FGF14: variants seen among roughly 807,000 people sequenced by gnomAD.
FGF14 encodes the protein fibroblast growth factor 14, also known as fibroblast growth factor homologous factor 4.
Under a neutral mutation model 25.5 loss-of-function variants are expected in FGF14, and 5 were observed. The observed-to-expected ratio is 0.20, with a 90% CI of 0.10 to 0.41. FGF14 has a LOEUF of 0.41. Among genes scored for constraint, FGF14 ranks in the 10% least tolerant of loss-of-function variants. FGF14 has a pLI of 1.00. For missense variants in FGF14, 222 were observed against 320.1 expected (o/e 0.69, Z 2.34); for synonymous variants, 138 against 118.3 (o/e 1.17, Z -1.08).
At position 102,161,680 on chromosome 13, in the gene FGF14, A is replaced by T. The variant is rs1428534708; in HGVS notation, c.208+239791T>A. On this transcript the variant is annotated intron_variant, in intron 1 of 4. Coordinates refer to the FGF14 transcript ENST00000376131. ...GAAGAAGAAGAAGAAGAAGAAGAAG[A>T]AGAAGAAGAAGAAGAAGAAGAAGAA... Among the ~76,000 whole-genome samples, 149 of 54,114 alleles carry T rather than the reference A, an allele frequency of 2.8e-3. 3 individuals carry two copies. Among genetic ancestry groups the T allele is most frequent in the South Asian group, 6.7e-3 (7 of 1,050 alleles). The allele number at this position is 54,114 out of a possible 152,430, so 35.5% of individuals were successfully genotyped here.
At chr13:101,929,431 G>T (rs1829755935) in intron 1 of FGF14, among the ~76,000 whole-genome samples, 1 of 152,140 alleles carries the variant, frequency 6.6e-6, no homozygotes, top group South Asian at 2.1e-4. Flanking sequence ...CTGTGTCAGG[G>T]GAAAAGGATA....
chr13:101,864,627 T>A (rs1049644041), intron 3 of FGF14, among the ~76,000 whole-genome samples: 1 of 152,126 alleles, frequency 6.6e-6, no homozygotes, highest in Non-Finnish European at 1.5e-5. Context: ...TGAATTTTCC[T>A]GGTTTATTTT....
At chr13:101,750,240 A>C (rs1440321802) in intron 3 of FGF14, among the ~76,000 whole-genome samples, 1 of 152,136 alleles carries the variant, frequency 6.6e-6, no homozygotes, top group Admixed American at 6.6e-5. Context: ...AAGATACAGC[A>C]ATCTTTACAC....
chr13:102,379,216 T>G (rs936907300), intron 1 of FGF14, among the ~76,000 whole-genome samples: 1 of 152,102 alleles, frequency 6.6e-6, no homozygotes, highest in African/African-American at 2.4e-5. Flanking sequence ...GCTAGAGATA[T>G]CTAAATTAAA....
At chr13:101,741,851 T>C (rs1430742254) in intron 3 of FGF14, among the ~76,000 whole-genome samples, 2 of 151,960 alleles carry the variant, frequency 1.3e-5, no homozygotes, top group Admixed American at 6.6e-5. Context: ...AGGAGAAAAA[T>C]TGAAAGTAAA....
chr13:102,386,129 AG>A, intron 1 of FGF14, among the ~76,000 whole-genome samples: 1 of 151,250 alleles, frequency 6.6e-6, no homozygotes, highest in South Asian at 2.1e-4. Context: ...CAAAATATAC[AG>A]TAATTTTTTT....
At chr13:102,262,546 T>C (rs1056235115) in intron 1 of FGF14, among the ~76,000 whole-genome samples, 1 of 152,150 alleles carries the variant, frequency 6.6e-6, no homozygotes, top group Non-Finnish European at 1.5e-5. Context: ...GCAGGAGTAA[T>C]TATTTTGATA....
chr13:101,786,550 C>A (rs1364867317), intron 3 of FGF14, among the ~76,000 whole-genome samples: 1 of 152,090 alleles, frequency 6.6e-6, no homozygotes, highest in Non-Finnish European at 1.5e-5. Context: ...CTTGGCCATC[C>A]TCCCCTGTAT....
chr13:101,960,942 G>A (rs1245558184), intron 1 of FGF14, among the ~76,000 whole-genome samples: 4 of 152,024 alleles, frequency 2.6e-5, no homozygotes, highest in African/African-American at 4.8e-5. Context: ...TTTAATGATC[G>A]TTGATGTTTA....
intron 1 of FGF14, among the ~76,000 whole-genome samples, chr13:102,274,745 A>G (rs1397446685): frequency 6.6e-6 from 1 of 152,072 alleles, no homozygotes; most frequent in East Asian, 1.9e-4. Context: ...TGGAAGAAAT[A>G]TTGAAAACCA....
chr13:101,907,471 G>T (rs1316163523), intron 1 of FGF14, among the ~76,000 whole-genome samples: 1 of 152,120 alleles, frequency 6.6e-6, no homozygotes, highest in Non-Finnish European at 1.5e-5. Context: ...ATGAAAATTT[G>T]AATGCCAAAT....
At chr13:101,775,620 T>G (rs1204609900) in intron 3 of FGF14, among the ~76,000 whole-genome samples, 1 of 152,166 alleles carries the variant, frequency 6.6e-6, no homozygotes, top group Non-Finnish European at 1.5e-5. Flanking sequence ...GTTATTTCCC[T>G]GTCCCTGTGC....
intron 1 of FGF14, among the ~76,000 whole-genome samples, chr13:102,126,802 C>A (rs2045967914): frequency 6.6e-6 from 1 of 152,078 alleles, no homozygotes. Context: ...CAGTAATTAC[C>A]ATCATTAGCC....
intron 3 of FGF14, among the ~76,000 whole-genome samples, chr13:101,853,376 T>C (rs1234019282): frequency 1.3e-5 from 2 of 152,116 alleles, no homozygotes; most frequent in Non-Finnish European, 2.9e-5. Flanking sequence ...TCTCTCTTCA[T>C]AGTGAAAGCA....
At chr13:102,206,474 A>G (rs974112429) in intron 1 of FGF14, among the ~76,000 whole-genome samples, 5 of 152,068 alleles carry the variant, frequency 3.3e-5, no homozygotes, top group Non-Finnish European at 7.4e-5. Flanking sequence ...GGAGGTCAGG[A>G]GTTCAAGACC....
At chr13:102,315,260 G>A (rs1212099408) in intron 1 of FGF14, among the ~76,000 whole-genome samples, 1 of 152,090 alleles carries the variant, frequency 6.6e-6, no homozygotes, top group African/African-American at 2.4e-5. Context: ...TTTTTGAAAA[G>A]AAACACATAT....
At chr13:102,271,776 A>G (rs2053259766) in intron 1 of FGF14, among the ~76,000 whole-genome samples, 1 of 152,194 alleles carries the variant, frequency 6.6e-6, no homozygotes, top group South Asian at 2.1e-4. Flanking sequence ...AGTAGACAGC[A>G]TGGCACAAAA....
intron 3 of FGF14, among the ~76,000 whole-genome samples, chr13:101,757,730 A>C (rs1199762060): frequency 3.9e-5 from 6 of 152,204 alleles, no homozygotes; most frequent in Non-Finnish European, 8.8e-5. Flanking sequence ...TGAAAACCAA[A>C]TGCAAATCCA....
At chr13:101,933,378 C>T (rs1020761860) in intron 1 of FGF14, among the ~76,000 whole-genome samples, 2 of 152,174 alleles carry the variant, frequency 1.3e-5, no homozygotes, top group East Asian at 1.9e-4. Context: ...ACAAGATTTG[C>T]TAACTGTCTT....
Sources: allele counts gnomAD v4.1 joint callset (sites outside exome capture counted in the v4.1 genomes callset), GRCh38; gene constraint gnomAD v4.1.1; transcripts MANE v1.5; gene names NCBI Gene and HGNC (gene_info 2026-07-23, HGNC 2026-07-21).